The following RPS6KC1 variants were observed in gnomAD, a reference collection of about 807,000 sequenced individuals.
RPS6KC1 encodes the protein inactive ribosomal protein S6 kinase delta-1.
Under a neutral mutation model 103.8 loss-of-function variants are expected in RPS6KC1, and 54 were observed. The ratio of observed to expected loss-of-function variants is 0.52; its 90% CI spans 0.42 to 0.65. The LOEUF (loss-of-function observed/expected upper bound fraction) is 0.65, where lower values mean the gene tolerates loss of function less well. RPS6KC1 is among the 30% of genes least tolerant of loss of function. The pLI is 0.00. For missense variants in RPS6KC1, 1,151 were observed against 1,253.8 expected (o/e 0.92, Z 1.24); for synonymous variants, 439 against 438.7 (o/e 1.00, Z -0.01).
rs114691286 is a variant in RPS6KC1 at position 213,211,776 on chromosome 1, G to A, written c.1045-18721G>A. On this transcript the variant is annotated intron_variant, in intron 8 of 14. Coordinates refer to ENST00000366960, the MANE Select transcript of RPS6KC1 (RefSeq NM_012424.6). The stretch of plus-strand genomic sequence containing the variant: ...TATGAGAGATTTTAAATTTGTGTTT[G>A]TAGTTTATTTATTGGAGAATGACCT... Among the ~76,000 whole-genome samples the A allele has an allele frequency of 5.7e-3, 862 of 152,288 alleles. 10 individuals are homozygous for A. The highest frequency in any genetic ancestry group is 0.017 in the African/African-American group (723 of 41,566).
the RPS6KC1 span, among the ~76,000 whole-genome samples, chr1:213,642,227 T>C: frequency 6.6e-6 from 1 of 152,136 alleles, no homozygotes; most frequent in Non-Finnish European, 1.5e-5. Flanking sequence ...CTTTCGTTTT[T>C]GGCACCCATC....
the RPS6KC1 span, among the ~76,000 whole-genome samples, chr1:213,799,735 G>T: frequency 6.6e-6 from 1 of 152,246 alleles, no homozygotes; most frequent in African/African-American, 2.4e-5. Flanking sequence ...TGTGGTTCCA[G>T]AAAACAGAGC....
the RPS6KC1 span, among the ~76,000 whole-genome samples, chr1:213,366,255 A>AC: frequency 1.3e-5 from 2 of 152,128 alleles, no homozygotes; most frequent in East Asian, 3.9e-4. Flanking sequence ...AATGCCCTCT[A>AC]CCACCTGTTC....
chr1:213,375,010 CACACATACAT>C, the RPS6KC1 span, among the ~76,000 whole-genome samples: 1 of 151,672 alleles, frequency 6.6e-6, no homozygotes, highest in Non-Finnish European at 1.5e-5. Context: ...CATACATACA[CACACATACAT>C]ACACATACAC....
At chr1:213,123,264 T>C (rs2148945431) in intron 5 of RPS6KC1, among the ~76,000 whole-genome samples, 1 of 152,290 alleles carries the variant, frequency 6.6e-6, no homozygotes, top group Non-Finnish European at 1.5e-5. Flanking sequence ...CTTGATGTCC[T>C]GGAGGCTAGA....
intron 3 of RPS6KC1, among the ~76,000 whole-genome samples, chr1:213,083,705 A>G (rs1432467384): frequency 1.3e-5 from 2 of 152,088 alleles, no homozygotes; most frequent in Non-Finnish European, 2.9e-5. Flanking sequence ...CTTTGAGGCC[A>G]AAGAGAGGTC....
chr1:213,457,676 G>T, the RPS6KC1 span, among the ~76,000 whole-genome samples: 2 of 152,274 alleles, frequency 1.3e-5, no homozygotes, highest in Admixed American at 6.5e-5. Flanking sequence ...CCAGCAAGTG[G>T]TGTATTCTAG....
the RPS6KC1 span, among the ~76,000 whole-genome samples, chr1:213,388,995 G>A: frequency 6.6e-6 from 1 of 152,242 alleles, no homozygotes; most frequent in Non-Finnish European, 1.5e-5. Context: ...TTCATAGAGA[G>A]GGGGTTTGGG....
At chr1:213,095,672 A>G (rs985907320) in intron 3 of RPS6KC1, among the ~76,000 whole-genome samples, 1 of 152,246 alleles carries the variant, frequency 6.6e-6, no homozygotes, top group Non-Finnish European at 1.5e-5. Flanking sequence ...GACCATTGCA[A>G]TAAAGTGAGT....
chr1:213,496,923 G>A, the RPS6KC1 span, among the ~76,000 whole-genome samples: 607 of 152,294 alleles, frequency 4.0e-3, no homozygotes, highest in Non-Finnish European at 7.0e-3. Context: ...GGTTGCAAAT[G>A]CTACAAATCA....
chr1:213,685,660 CA>C, the RPS6KC1 span, among the ~76,000 whole-genome samples: 2 of 150,112 alleles, frequency 1.3e-5, no homozygotes, highest in Admixed American at 1.3e-4. Context: ...AGACTTTAAG[CA>C]AAAAAACCTA....
At chr1:213,364,783 G>A in the RPS6KC1 span, among the ~76,000 whole-genome samples, 1 of 151,936 alleles carries the variant, frequency 6.6e-6, no homozygotes, top group African/African-American at 2.4e-5. Flanking sequence ...GTAAAACCGT[G>A]TCTCTACTAA....
the RPS6KC1 span, among the ~76,000 whole-genome samples, chr1:213,495,898 G>T: frequency 1.3e-5 from 2 of 151,954 alleles, no homozygotes; most frequent in Non-Finnish European, 1.5e-5. Flanking sequence ...TAATAATCTA[G>T]AGTTTAAAAC....
intron 8 of RPS6KC1, among the ~76,000 whole-genome samples, chr1:213,213,857 A>G (rs906948667): frequency 1.3e-5 from 2 of 152,230 alleles, no homozygotes; most frequent in African/African-American, 2.4e-5. Context: ...TATTATCACA[A>G]TGACAAACTA....
chr1:213,090,136 CT>C (rs1374552514), intron 3 of RPS6KC1, among the ~76,000 whole-genome samples: 1 of 152,110 alleles, frequency 6.6e-6, no homozygotes, highest in East Asian at 1.9e-4. Context: ...ATGTGGTATT[CT>C]CACCATCAAG....
At chr1:213,279,470 A>G (rs539380486), downstream of RPS6KC1, among the ~76,000 whole-genome samples, 1 of 152,290 alleles carries the variant, frequency 6.6e-6, no homozygotes, top group South Asian at 2.1e-4. Flanking sequence ...TTTTTCCCCC[A>G]TTGGTTGATA....
At chr1:213,509,327 AAG>A in the RPS6KC1 span, among the ~76,000 whole-genome samples, 318 of 152,306 alleles carry the variant, frequency 2.1e-3, 1 homozygote, top group African/African-American at 7.2e-3. Flanking sequence ...TCTTTAAAGA[AAG>A]AGAGTTGATC....
chr1:213,582,467 T>G, the RPS6KC1 span, among the ~76,000 whole-genome samples: 1 of 152,172 alleles, frequency 6.6e-6, no homozygotes. Context: ...CTATCCTCTG[T>G]CACCAGGATC....
At chr1:213,520,143 ATT>A in the RPS6KC1 span, among the ~76,000 whole-genome samples, 1 of 152,154 alleles carries the variant, frequency 6.6e-6, no homozygotes, top group Non-Finnish European at 1.5e-5. Flanking sequence ...GCCTCTGTGT[ATT>A]AGTCCATTTT....
Sources: gnomAD v4.1 joint callset for allele counts (sites outside exome capture counted in the v4.1 genomes callset) on GRCh38, gnomAD v4.1.1 for gene constraint, MANE v1.5 for transcripts, NCBI Gene and HGNC (gene_info 2026-07-23, HGNC 2026-07-21) for gene names.